PCDHA1: variants seen among roughly 807,000 people sequenced by gnomAD.
PCDHA1 encodes protocadherin alpha-1.
PCDHA1 carries 42 observed loss-of-function variants against 61.3 expected under a neutral mutation model. That is an observed-to-expected ratio of 0.69 (90% CI 0.54 to 0.89). The LOEUF is 0.89. Among genes scored for constraint, PCDHA1 ranks in the 40% least tolerant of loss-of-function variants. PCDHA1 has a pLI of 0.00. For missense variants in PCDHA1, 1,256 were observed against 1,235.3 expected (o/e 1.02, Z -0.25); for synonymous variants, 610 against 553.8 (o/e 1.10, Z -1.43).
intron 1 of PCDHA1, chr5:140,835,633 G>A (rs1449740308): frequency 2.5e-5 from 40 of 1,613,932 alleles, no homozygotes; most frequent in Non-Finnish European, 3.2e-5. Flanking sequence ...GACCGCGAGA[G>A]TGTGTCCGCC....
intron 1 of PCDHA1, among the ~76,000 whole-genome samples, chr5:140,885,309 T>C (rs1456816250): frequency 6.6e-6 from 1 of 152,194 alleles, no homozygotes; most frequent in Non-Finnish European, 1.5e-5. Context: ...GTAGGCTTTT[T>C]GTTATTATTT....
intron 2 of PCDHA1, among the ~76,000 whole-genome samples, chr5:140,980,982 C>G (rs1208541065): frequency 6.6e-6 from 1 of 151,990 alleles, no homozygotes; most frequent in East Asian, 1.9e-4. Flanking sequence ...ACTGAGCCCA[C>G]ACAATTTGCT....
rs781962432 is a variant in PCDHA1 at position 140,787,507 on chromosome 5, C to T, written c.1217C>T (p.Ser406Leu). 10 of 1,614,202 alleles carry T rather than the reference C, an allele frequency of 6.2e-6. No individual in the cohort carries two copies. The highest frequency in any genetic ancestry group is 1.1e-5 in the South Asian group (1 of 91,074). The change falls in exon 1 of 4, where the codon TCG (serine) becomes TTG (leucine). Residue 406 changes from serine to leucine, a missense_variant. Ser to Leu is a moderately radical substitution (Grantham distance 145). Transcript: ENST00000504120. ...KLVSTFKNYY[S>L]LVLDSALDRE... ...GTGTCCACCTTCAAGAATTACTACT[C>T]GTTGGTGTTGGACAGCGCCCTGGAT...
At chr5:140,796,881 G>T (rs782187936) in intron 1 of PCDHA1, 3 of 1,613,900 alleles carry the variant, frequency 1.9e-6, no homozygotes, top group East Asian at 2.2e-5. Context: ...CCCTAGACGA[G>T]GCTGACTCCC....
At chr5:141,005,548 A>G (rs970223535) in intron 3 of PCDHA1, among the ~76,000 whole-genome samples, 2 of 151,322 alleles carry the variant, frequency 1.3e-5, no homozygotes, top group African/African-American at 4.9e-5. Flanking sequence ...CTAAAAATAC[A>G]AAAATTAGCC....
intron 1 of PCDHA1, among the ~76,000 whole-genome samples, chr5:140,791,521 A>C (rs1356661098): frequency 6.6e-6 from 1 of 152,208 alleles, no homozygotes; most frequent in Non-Finnish European, 1.5e-5. Context: ...TCACAACAGC[A>C]TATGTATTGA....
At chr5:140,794,749 T>G (rs1202325448) in intron 1 of PCDHA1, 13 of 538,036 alleles carry the variant, frequency 2.4e-5, no homozygotes, top group Non-Finnish European at 3.8e-5. Context: ...CGACTAGTTT[T>G]AAATCTACAG....
intron 1 of PCDHA1, chr5:140,796,402 T>G: frequency 1.9e-6 from 3 of 1,613,738 alleles, no homozygotes; most frequent in Non-Finnish European, 2.5e-6. Flanking sequence ...GGTGTCAGCG[T>G]GGGATGCGGA....
intron 1 of PCDHA1, chr5:140,870,708 C>G (rs781841032): frequency 1.8e-5 from 29 of 1,612,898 alleles, no homozygotes; most frequent in Non-Finnish European, 2.5e-5. Context: ...TCCAGGTGAG[C>G]GCGCGCGATG....
Position 140,787,042 on chromosome 5 carries a change from T to G in PCDHA1, c.752T>G (p.Leu251Trp). 6.2e-7 allele frequency: 1 copy of G among 1,614,178 alleles called. No individual in the cohort carries two copies. Among genetic ancestry groups the G allele is most frequent in the Non-Finnish European group, 8.5e-7 (1 of 1,180,014 alleles). ...GACCAGGCCGTATACAGAGTCCACT[T>G]GTTAGAGACTACAGCAAATGGAACA... ...LFDQAVYRVH[L>W]LETTANGTLV... Residue 251 changes from leucine (L) to tryptophan (W), a missense_variant, in exon 1 of 4, where the codon TTG (leucine) becomes TGG (tryptophan). By Grantham distance (61) the Leu-to-Trp change is moderately conservative. Transcript: ENST00000504120.
Position 140,797,036 on chromosome 5 carries a change from C to T in PCDHA1, c.2394+8352C>T, listed in dbSNP as rs373020261. ...TGGGTGGGCGCCGCGGGCTCAGAGG[C>T]TACGCTGGTGGATGTCAACGTGTAC... On this transcript the variant is annotated intron_variant, in intron 1 of 3. Transcript: ENST00000504120. 6.2e-6 allele frequency: 10 copies of T among 1,613,594 alleles called. No individual in the cohort carries two copies. The African/African-American group carries it at 1.3e-4, about 22-fold the overall frequency.
intron 1 of PCDHA1, chr5:140,796,900 C>A (rs1482463175): frequency 1.2e-6 from 2 of 1,613,808 alleles, no homozygotes; most frequent in African/African-American, 2.7e-5. Flanking sequence ...CCCTCGACAC[C>A]GCCTACTCGT....
chr5:141,001,936 C>A (rs1440677153), intron 3 of PCDHA1, among the ~76,000 whole-genome samples: 3 of 151,788 alleles, frequency 2.0e-5, no homozygotes, highest in Non-Finnish European at 2.9e-5. Context: ...GGGTGGTGAG[C>A]GGAAATAAGG....
At chr5:140,997,727 C>G (rs2097783097) in intron 3 of PCDHA1, among the ~76,000 whole-genome samples, 1 of 151,244 alleles carries the variant, frequency 6.6e-6, no homozygotes, top group Admixed American at 6.6e-5. Flanking sequence ...TACGTCAGTA[C>G]ATATAGATTT....
At chr5:140,808,808 G>C in intron 1 of PCDHA1, 2 of 1,612,754 alleles carry the variant, frequency 1.2e-6, no homozygotes. Flanking sequence ...TCGCGATGCC[G>C]GCGTGCCACC....
intron 1 of PCDHA1, chr5:140,882,584 C>T (rs1554174685): frequency 1.9e-6 from 3 of 1,614,120 alleles, no homozygotes; most frequent in Admixed American, 1.7e-5. Flanking sequence ...CAGCATCCAC[C>T]TGGAGGTGAT....
At chr5:140,966,983 G>T (rs782294035) in intron 1 of PCDHA1, 1 of 1,603,778 alleles carries the variant, frequency 6.2e-7, no homozygotes, top group Non-Finnish European at 8.5e-7. Flanking sequence ...GCGGCGCTTG[G>T]GGCCGGGTTG....
At chr5:140,846,890 G>A (rs1554141524) in intron 1 of PCDHA1, among the ~76,000 whole-genome samples, 3 of 149,570 alleles carry the variant, frequency 2.0e-5, no homozygotes, top group South Asian at 2.1e-4. Context: ...TCAGAATGAC[G>A]TTGAAGTTGA....
At chr5:140,878,923 A>G (rs895670993) in intron 1 of PCDHA1, among the ~76,000 whole-genome samples, 8 of 152,222 alleles carry the variant, frequency 5.3e-5, no homozygotes, top group African/African-American at 1.9e-4. Flanking sequence ...AGCTTCAATC[A>G]ATAATTTTAA....
Sources: allele counts gnomAD v4.1 joint callset (sites outside exome capture counted in the v4.1 genomes callset), GRCh38; gene constraint gnomAD v4.1.1; transcripts MANE v1.5; gene names NCBI Gene and HGNC (gene_info 2026-07-23, HGNC 2026-07-21).